PRSS58: variants seen among roughly 807,000 people sequenced by gnomAD.
The protein encoded by PRSS58 is serine protease 58.
Under a neutral mutation model 25.0 loss-of-function variants are expected in PRSS58, and 31 were observed. The observed-to-expected ratio is 1.24, with a 90% confidence interval of 0.93 to 1.67. PRSS58 has a LOEUF of 1.67. Ranked by LOEUF, PRSS58 falls within the 40% of genes most tolerant of loss-of-function variation. PRSS58 has a pLI of 0.00. For synonymous variants in PRSS58, 119 were observed against 106.1 expected (o/e 1.12, Z -0.75); for missense variants, 324 against 287.9 (o/e 1.13, Z -0.91).
intron 2 of PRSS58, among the ~76,000 whole-genome samples, chr7:142,256,979 AAAG>A (rs1434537464): frequency 6.6e-6 from 1 of 152,192 alleles, no homozygotes; most frequent in Non-Finnish European, 1.5e-5. Context: ...AAAGGGGCTC[AAAG>A]AAGAATGGAG....
chr7:142,254,256 C>T (rs545464315), intron 4 of PRSS58, among the ~76,000 whole-genome samples: 37 of 152,200 alleles, frequency 2.4e-4, no homozygotes, highest in Non-Finnish European at 4.7e-4. Context: ...TCTCAACTCT[C>T]GTAATTAGCA....
At chr7:142,257,275 G>C (rs1419066288) in intron 2 of PRSS58, among the ~76,000 whole-genome samples, 1 of 152,156 alleles carries the variant, frequency 6.6e-6, no homozygotes, top group African/African-American at 2.4e-5. Flanking sequence ...TGGGGTATGA[G>C]AGAAAGAGAG....
At chr7:142,252,964 A>G (rs1798494235) in intron 4 of PRSS58, among the ~76,000 whole-genome samples, 1 of 152,232 alleles carries the variant, frequency 6.6e-6, no homozygotes, top group South Asian at 2.1e-4. Flanking sequence ...GGATGGGTGG[A>G]TCACCTGAGG....
intron 4 of PRSS58, among the ~76,000 whole-genome samples, chr7:142,253,240 T>A (rs1398817307): frequency 6.6e-6 from 1 of 152,200 alleles, no homozygotes; most frequent in Non-Finnish European, 1.5e-5. Context: ...TTTTGAGATG[T>A]AATTTTTAGA....
chr7:142,254,934 A>G, intron 4 of PRSS58, 121 bp downstream of exon 4: 3 of 988,210 alleles, frequency 3.0e-6, no homozygotes, highest in East Asian at 4.8e-5. Flanking sequence ...AGGTACAGAG[A>G]AAAGGAAAGG....
Position 142,255,417 on chromosome 7 carries a change from G to T in PRSS58, c.180-106C>A. 8.2e-6 allele frequency: 13 copies of T among 1,576,866 alleles called. 1 individual carries two copies. Among genetic ancestry groups the T allele is most frequent in the Non-Finnish European group, 1.1e-5 (13 of 1,150,568 alleles). The stretch of plus-strand genomic sequence containing the variant: ...CAGACCTTTTTCTGTACCCTCGTAT[G>T]TCTCCCAAAGGCTTTTCTAATCCCA... On this transcript the variant is annotated intron_variant, in intron 3 of 5. Coordinates refer to ENST00000547058, the MANE Select transcript of PRSS58 (RefSeq NM_001001317.5).
In PRSS58 at chr7:142,255,328, G is replaced by T. The variant is rs756123710; in HGVS notation, c.180-17C>A. 3.1e-6 allele frequency: 5 copies of T among 1,610,040 alleles called. No individual in the cohort carries two copies. The highest frequency in any genetic ancestry group is 1.1e-5 in the South Asian group (1 of 90,796). ...CGAAGCTTTCTGGAACAATATAGAC[G>T]TTTATGAGAGGACTTAACAGAGATG... is the stretch of plus-strand genomic sequence containing the variant. On this transcript the variant is annotated splice_polypyrimidine_tract_variant and intron_variant, in intron 3 of 5. Transcript: ENST00000547058.
Position 142,255,573 on chromosome 7 carries a change from G to A in PRSS58, c.141C>T (p.His47=), listed in dbSNP as rs746568015. ...DYLPCAGVLI[H]PLWVITAAHC... is the part of the protein sequence containing the mutation. ...GTGCAGCTGTGATCACCCAAAGCGG[G>A]TGGATCAGGACTCCAGCGCAGGGCA... The change falls in exon 3 of 6, where the codon CAC becomes CAT. Residue 47 remains histidine, a synonymous_variant. Coordinates refer to ENST00000547058, the MANE Select transcript of PRSS58 (RefSeq NM_001001317.5). 1 of 1,614,102 alleles carries A rather than the reference G, an allele frequency of 6.2e-7. No homozygotes were observed. The highest frequency in any genetic ancestry group is 8.5e-7 in the Non-Finnish European group (1 of 1,179,992).
At chr7:142,256,546 T>C (rs1477945180) in intron 2 of PRSS58, among the ~76,000 whole-genome samples, 1 of 152,206 alleles carries the variant, frequency 6.6e-6, no homozygotes, top group Admixed American at 6.5e-5. Context: ...CACTGCAGCC[T>C]CAACCTCCTG....
intron 4 of PRSS58, among the ~76,000 whole-genome samples, 161 bp downstream of exon 4, chr7:142,254,894 A>AC (rs201234582): frequency 6.6e-5 from 10 of 152,150 alleles, no homozygotes; most frequent in East Asian, 1.9e-4. Flanking sequence ...AATAAAAAAA[A>AC]CCCAAAAACC....
chr7:142,252,316 A>G lies in PRSS58; in HGVS notation c.631T>C (p.Phe211Leu). 1.9e-6 allele frequency: 3 copies of G among 1,614,166 alleles called. No individual in the cohort carries two copies. The highest frequency in any genetic ancestry group is 2.5e-6 in the Non-Finnish European group (3 of 1,180,022). ...GCTCTCAAAACACATCCATCCGCAAAAGACAGGATTCCTTGAAGCATCCCA... is the reference window on the plus strand; with the variant it reads ...GCTCTCAAAACACATCCATCCGCAAGAGACAGGATTCCTTGAAGCATCCCA... ...CNGMLQGILS[F>L]ADGCVLRADV... Residue 211 changes from phenylalanine (F) to leucine (L), a missense_variant, in exon 6 of 6, where the codon TTT (phenylalanine) becomes CTT (leucine). By Grantham distance (22) the Phe-to-Leu change is conservative. Transcript: ENST00000547058.
At chr7:142,256,116 G>A (rs1798551842) in intron 2 of PRSS58, among the ~76,000 whole-genome samples, 1 of 152,124 alleles carries the variant, frequency 6.6e-6, no homozygotes, top group Admixed American at 6.5e-5. Flanking sequence ...CAGACCAAAT[G>A]CTAAGAGTCT....
rs1345600020 is a variant in PRSS58, at chr7:142,255,208, C to A, written c.283G>T (p.Val95Phe). 1 of 1,614,090 alleles carries A rather than the reference C, an allele frequency of 6.2e-7. No individual in the cohort carries two copies. The highest frequency in any genetic ancestry group is 1.1e-5 in the South Asian group (1 of 91,082). The change falls in exon 4 of 6, where the codon GTC becomes TTC. Residue 95 changes from valine (V) to phenylalanine (F), a missense_variant. Val to Phe is a conservative substitution (Grantham distance 50). Coordinates refer to ENST00000547058, the MANE Select transcript of PRSS58 (RefSeq NM_001001317.5). The stretch of plus-strand genomic sequence containing the variant: ...ATGATGTCATGATCAATAGAAGTGA[C>A]TGAGAAGTGTGGATGATGAATCATC... ...EKMIHHPHFS[V>F]TSIDHDIMLI...
At chr7:142,256,584 T>A (rs1294769540) in intron 2 of PRSS58, among the ~76,000 whole-genome samples, 1 of 152,274 alleles carries the variant, frequency 6.6e-6, no homozygotes, top group East Asian at 1.9e-4. Flanking sequence ...CTGAGTAGCT[T>A]GGACTACAGG....
In PRSS58 at chr7:142,257,999, A is replaced by G; in HGVS notation, c.-50T>C. The G allele has an allele frequency of 2.5e-6, 1 of 398,442 alleles. No individual in the cohort carries two copies. Among genetic ancestry groups the G allele is most frequent in the Non-Finnish European group, 4.5e-6 (1 of 224,050 alleles). 24.7% of individuals were successfully genotyped at this position (398,442 alleles called of 1,614,324 possible). Reference sequence around the variant, plus strand: ...TTCAGGGAAGAAAGTACCAAAGCTAAGTTGAAGTTCATGATATCTCTACAG... The same window carrying G: ...TTCAGGGAAGAAAGTACCAAAGCTAGGTTGAAGTTCATGATATCTCTACAG... On this transcript the variant is annotated 5_prime_UTR_variant, in exon 1 of 6. Coordinates refer to ENST00000547058, the MANE Select transcript of PRSS58 (RefSeq NM_001001317.5).
rs753419916 is a variant in PRSS58 at position 142,252,427 on chromosome 7, C to T, written c.576+45G>A. The T allele has an allele frequency of 9.9e-6, 16 of 1,611,198 alleles. No homozygotes were observed. In the East Asian group the frequency reaches 2.9e-4, roughly 29 times the overall value. ...AAAGCAGATTATCTTTCTGGCAAGA[C>T]AGAAGGAAGAAAATGGGAAAATTAA... is the stretch of plus-strand genomic sequence containing the variant. On this transcript the variant is annotated intron_variant, in intron 5 of 5. Coordinates refer to ENST00000547058, the MANE Select transcript of PRSS58 (RefSeq NM_001001317.5).
chr7:142,252,498 C>T lies in PRSS58; in HGVS notation c.550G>A (p.Val184Met). The change falls in exon 5 of 6, where the codon GTG (valine) becomes ATG (methionine). Residue 184 changes from valine to methionine, a missense_variant. Val to Met is a conservative substitution (Grantham distance 21). Transcript: ENST00000547058. The stretch of plus-strand genomic sequence containing the variant: ...TTGCAGGGCTGCCTCCTTCCTGGCA[C>T]AATGCCCACACACAGCATATTTTCC... ...ITENMLCVGI[V>M]PGRRQPCKEV... is the part of the protein sequence containing the mutation. 1 of 1,614,056 alleles carries T rather than the reference C, an allele frequency of 6.2e-7. No homozygotes were observed. The highest frequency in any genetic ancestry group is 8.5e-7 in the Non-Finnish European group (1 of 1,179,998).
In PRSS58 at chr7:142,255,535, G is replaced by A. The variant is rs1462350367; in HGVS notation, c.179C>T (p.Pro60Leu). The A allele has an allele frequency of 1.4e-5, 23 of 1,613,904 alleles. No individual in the cohort carries two copies. The highest frequency in any genetic ancestry group is 2.2e-5 in the South Asian group (2 of 91,080). The change falls in exon 3 of 6, where the codon CCA becomes CTA. Residue 60 changes from proline (P) to leucine (L), a missense_variant and splice_region_variant. Coordinates refer to ENST00000547058, the MANE Select transcript of PRSS58 (RefSeq NM_001001317.5). ...GTGCCTTTGAAGGCTTATCACTCAC[G>A]GTAAATTGCAGTGTGCAGCTGTGAT... ...WVITAAHCNL[P>L]KLRVILGVTI... is the part of the protein sequence containing the mutation.
chr7:142,257,490 C>T (rs770306200), intron 2 of PRSS58, among the ~76,000 whole-genome samples, 178 bp downstream of exon 2: 18 of 152,034 alleles, frequency 1.2e-4, no homozygotes, highest in Non-Finnish European at 2.1e-4. Context: ...AAACCTCCTG[C>T]GGCAGGCAGG....
Sources: gnomAD v4.1 joint callset for allele counts (sites outside exome capture counted in the v4.1 genomes callset) on GRCh38, gnomAD v4.1.1 for gene constraint, MANE v1.5 for transcripts, NCBI Gene and HGNC (gene_info 2026-07-23, HGNC 2026-07-21) for gene names.